The following FOXL2NB variants were observed in gnomAD, a reference collection of about 807,000 sequenced individuals.
FOXL2NB encodes FOXL2 neighbor.
In FOXL2NB, 10 loss-of-function variants were observed where a neutral mutation model predicts 7.4. The observed-to-expected ratio is 1.34, with a 90% CI of 0.83 to 2.28. The LOEUF is 2.28. Among genes scored for constraint, FOXL2NB ranks in the 30% most tolerant of loss-of-function variants. The pLI, the probability that FOXL2NB is intolerant of heterozygous loss-of-function variation, is 0.00. For missense variants in FOXL2NB, 228 were observed against 233.9 expected (o/e 0.97, Z 0.17); for synonymous variants, 104 against 105.3 (o/e 0.99, Z 0.08).
rs1936065389 is a variant in FOXL2NB, at chr3:138,949,284, C to T, written c.101-236C>T. ...TCACAGGCATTTCCGCTGCTCAGCC[C>T]TGCAGCAGCCAGGTGTAACAGCATT... On this transcript the variant is annotated intron_variant, in intron 1 of 2. Transcript: ENST00000383165. This position sits in a 1 kb window ranked among gnomAD's most constrained non-coding sequence, Gnocchi z 4.5. 1.3e-5 allele frequency among the ~76,000 whole-genome samples: 2 copies of T among 152,008 alleles called. No individual in the cohort carries two copies. Among genetic ancestry groups the T allele is most frequent in the African/African-American group, 4.8e-5 (2 of 41,338 alleles).
chr3:138,951,852 T>G lies in FOXL2NB; in HGVS notation c.*1280T>G, dbSNP rs1936137732. ...CTGCCCTCCACTTCTCACTCAGTGCTCCCCACCAGGATGGGCTTAATGCCT... is the reference window on the plus strand; with the variant it reads ...CTGCCCTCCACTTCTCACTCAGTGCGCCCCACCAGGATGGGCTTAATGCCT... On this transcript the variant is annotated 3_prime_UTR_variant, in exon 3 of 3. Transcript: ENST00000383165. 1 of 152,210 alleles carries G rather than the reference T, an allele frequency of 6.6e-6. No homozygotes were observed. Among genetic ancestry groups the G allele is most frequent in the Non-Finnish European group, 1.5e-5 (1 of 68,058 alleles). 9.4% of individuals were successfully genotyped at this position (152,210 alleles called of 1,614,324 possible).
At chr3:138,948,978 G>A (rs969516271) in intron 1 of FOXL2NB, among the ~76,000 whole-genome samples, 12 of 152,206 alleles carry the variant, frequency 7.9e-5, no homozygotes, top group African/African-American at 2.7e-4. Context: ...CAGCACTTCC[G>A]CAGAATCCCT....
Position 138,949,949 on chromosome 3 carries a change from T to C in FOXL2NB, c.220+310T>C. ...CCGGTTCCTTTTCTCCCCGCGGCATTGGGGCGACGCAGGGCCCCCGGCTTA... is the reference window on the plus strand; with the variant it reads ...CCGGTTCCTTTTCTCCCCGCGGCATCGGGGCGACGCAGGGCCCCCGGCTTA... On this transcript the variant is annotated intron_variant, in intron 2 of 2. Transcript: ENST00000383165. This position sits in a 1 kb window ranked among gnomAD's most constrained non-coding sequence, Gnocchi z 4.5. 2.9e-6 allele frequency: 2 copies of C among 692,420 alleles called. No homozygotes were observed. The highest frequency in any genetic ancestry group is 5.3e-6 in the Non-Finnish European group (2 of 379,986). The allele number at this position is 692,420 out of a possible 1,614,324, so 42.9% of individuals were successfully genotyped here.
At chr3:138,950,130 A>G in intron 2 of FOXL2NB, 135 bp from the exon 3 acceptor site, 1 of 948,610 alleles carries the variant, frequency 1.1e-6, no homozygotes, top group South Asian at 1.4e-5. Flanking sequence ...GCCTGCGGAT[A>G]CGGTTCCAGT....
Position 138,947,618 on chromosome 3 carries a change from G to C in FOXL2NB, c.100+154G>C. 7.1e-7 allele frequency: 1 copy of C among 1,405,026 alleles called. No homozygotes were observed. Among genetic ancestry groups the C allele is most frequent in the Non-Finnish European group, 9.2e-7 (1 of 1,081,328 alleles). The allele number at this position is 1,405,026 out of a possible 1,614,324, so 87.0% of individuals were successfully genotyped here. A position where few individuals can be genotyped will look rare whatever the true frequency, so the allele number is the denominator to read the frequency against. On this transcript the variant is annotated intron_variant, in intron 1 of 2. Transcript: ENST00000383165. The surrounding 1 kb of genome is among the most constrained non-coding windows in gnomAD (Gnocchi z 5.2). ...GCTTTGGGAAAGTCAGCCCAGAAAC[G>C]GGTGTGACTGTACGAAGAAGCCTCG...
In FOXL2NB at chr3:138,947,548, C is replaced by A. The variant is rs1936015070; in HGVS notation, c.100+84C>A. On this transcript the variant is annotated intron_variant, in intron 1 of 2. Transcript: ENST00000383165. This position sits in a 1 kb window ranked among gnomAD's most constrained non-coding sequence, Gnocchi z 5.2. Reference sequence around the variant, plus strand: ...AGCTCGGGGCTGGGGAGGGGCGAGACGGCGAGGGGGCTGGACGGGGTAGGG... The same window carrying A: ...AGCTCGGGGCTGGGGAGGGGCGAGAAGGCGAGGGGGCTGGACGGGGTAGGG... The A allele has an allele frequency of 8.5e-7, 1 of 1,175,116 alleles. No individual in the cohort carries two copies. The allele number at this position is 1,175,116 out of a possible 1,614,324, so 72.8% of individuals were successfully genotyped here.
Position 138,947,533 on chromosome 3 carries a change from T to C in FOXL2NB, c.100+69T>C. 3 of 1,249,172 alleles carry C rather than the reference T, an allele frequency of 2.4e-6. No individual in the cohort carries two copies. Among genetic ancestry groups the C allele is most frequent in the Non-Finnish European group, 3.2e-6 (3 of 941,244 alleles). 77.4% of individuals were successfully genotyped at this position (1,249,172 alleles called of 1,614,324 possible). ...TGAGGCTGAACTTCTAGCTCGGGGC[T>C]GGGGAGGGGCGAGACGGCGAGGGGG... On this transcript the variant is annotated intron_variant, in intron 1 of 2. Coordinates refer to ENST00000383165, the MANE Select transcript of FOXL2NB (RefSeq NM_001040061.3). The surrounding 1 kb of genome is among the most constrained non-coding windows in gnomAD (Gnocchi z 5.2).
rs772271367 is a variant in FOXL2NB at position 138,949,691 on chromosome 3, T to A, written c.220+52T>A. On this transcript the variant is annotated intron_variant, in intron 2 of 2. Coordinates refer to ENST00000383165, the MANE Select transcript of FOXL2NB (RefSeq NM_001040061.3). This position sits in a 1 kb window ranked among gnomAD's most constrained non-coding sequence, Gnocchi z 4.5. ...GCAGAATGATTACTTTCAGGTCCCC[T>A]CCAGGCTTCTGCGGAAAAGCCAGGG... 3.1e-6 allele frequency: 5 copies of A among 1,612,412 alleles called. No homozygotes were observed. In the African/African-American group the frequency reaches 4.0e-5, roughly 13 times the overall value.
At chr3:138,948,443 T>C (rs965386331) in intron 1 of FOXL2NB, among the ~76,000 whole-genome samples, 3 of 152,246 alleles carry the variant, frequency 2.0e-5, no homozygotes, top group Admixed American at 6.5e-5. Flanking sequence ...CAGTGCCTTT[T>C]AACTTGGCCT....
chr3:138,949,760 C>T lies in FOXL2NB; in HGVS notation c.220+121C>T. On this transcript the variant is annotated intron_variant, in intron 2 of 2. Coordinates refer to ENST00000383165, the MANE Select transcript of FOXL2NB (RefSeq NM_001040061.3). This position sits in a 1 kb window ranked among gnomAD's most constrained non-coding sequence, Gnocchi z 4.5. Reference sequence around the variant, plus strand: ...AGGAATCTAGGGAGAGAACAGAATCCTCTCCTTGCCGGCCCAGCCAGAGGT... The same window carrying T: ...AGGAATCTAGGGAGAGAACAGAATCTTCTCCTTGCCGGCCCAGCCAGAGGT... 6.9e-7 allele frequency: 1 copy of T among 1,440,988 alleles called. No individual in the cohort carries two copies. Among genetic ancestry groups the T allele is most frequent in the African/African-American group, 1.4e-5 (1 of 71,412 alleles). 89.3% of individuals were successfully genotyped at this position (1,440,988 alleles called of 1,614,324 possible).
Position 138,950,780 on chromosome 3 carries a change from C to T in FOXL2NB, c.*208C>T, listed in dbSNP as rs1033914680. Reference sequence around the variant, plus strand: ...CTCCTACTTCTCTCACACTCACCAGCTACACGTACTAATTCAGATTTTGCA... The same window carrying T: ...CTCCTACTTCTCTCACACTCACCAGTTACACGTACTAATTCAGATTTTGCA... On this transcript the variant is annotated 3_prime_UTR_variant, in exon 3 of 3. Coordinates refer to ENST00000383165, the MANE Select transcript of FOXL2NB (RefSeq NM_001040061.3). 6 of 590,934 alleles carry T rather than the reference C, an allele frequency of 1.0e-5. No homozygotes were observed. The highest frequency in any genetic ancestry group is 1.5e-5 in the Non-Finnish European group (5 of 341,760). The allele number at this position is 590,934 out of a possible 1,614,324, so 36.6% of individuals were successfully genotyped here.
chr3:138,950,090 G>A (rs1333560903), intron 2 of FOXL2NB, 175 bp from the exon 3 acceptor site: 4 of 754,014 alleles, frequency 5.3e-6, no homozygotes, highest in South Asian at 4.4e-5. Context: ...AGCCACCGGC[G>A]CCTCCTGACC....
At position 138,950,402 on chromosome 3, in the gene FOXL2NB, G is replaced by T. The variant is rs759620111; in HGVS notation, c.358G>T (p.Ala120Ser). 26 of 1,613,162 alleles carry T rather than the reference G, an allele frequency of 1.6e-5. No homozygotes were observed. The highest frequency in any genetic ancestry group is 2.2e-5 in the Non-Finnish European group (26 of 1,179,992). The change falls in exon 3 of 3, where the codon GCC becomes TCC. Residue 120 changes from alanine to serine, a missense_variant. Ala to Ser is a moderately conservative substitution (Grantham distance 99). Transcript: ENST00000383165. ...ACCACTCAGCTCGTCCCGCGCCGCC[G>T]CCGGCTGCCTGAACCAGGTTCCGCT... ...LEPLSSSRAA[A>S]GCLNQVPLSP...
Position 138,947,442 on chromosome 3 carries a change from C to T in FOXL2NB, c.78C>T (p.Leu26=). The T allele has an allele frequency of 1.3e-6, 2 of 1,546,148 alleles. No individual in the cohort carries two copies. Among genetic ancestry groups the T allele is most frequent in the Non-Finnish European group, 1.7e-6 (2 of 1,143,766 alleles). Residue 26 remains leucine, a synonymous_variant, in exon 1 of 3, where the codon CTC becomes CTT. Transcript: ENST00000383165. The surrounding 1 kb of genome is among the most constrained non-coding windows in gnomAD (Gnocchi z 5.2). ...TCGGGCCCCAGCGAGGAAAGGCGCT[C>T]CAAGCCTCCTCGCGGCTTTCAGGTG... is the stretch of plus-strand genomic sequence containing the variant. ...RKLGPQRGKA[L]QASSRLSESP...
Position 138,950,445 on chromosome 3 carries a change from G to T in FOXL2NB, c.401G>T (p.Gly134Val). 1 of 1,614,104 alleles carries T rather than the reference G, an allele frequency of 6.2e-7. No homozygotes were observed. The highest frequency in any genetic ancestry group is 8.5e-7 in the Non-Finnish European group (1 of 1,180,042). ...GTTCCGCTGTCCCCTTTCCTAGCGG[G>T]ACCCCGAAACACCCGGCGGCTTCCC... ...NQVPLSPFLA[G>V]PRNTRRLPAP... The change falls in exon 3 of 3, where the codon GGA becomes GTA. Residue 134 changes from glycine to valine, a missense_variant. Coordinates refer to ENST00000383165, the MANE Select transcript of FOXL2NB (RefSeq NM_001040061.3).
chr3:138,949,016 A>G lies in FOXL2NB; in HGVS notation c.101-504A>G, dbSNP rs1936056104. Among the ~76,000 whole-genome samples, 2 of 152,106 alleles carry G rather than the reference A, an allele frequency of 1.3e-5. No individual in the cohort carries two copies. Among genetic ancestry groups the G allele is most frequent in the Admixed American group, 6.5e-5 (1 of 15,276 alleles). ...TGCTGCTTTCTGAGCAGGAGTGCAG[A>G]TGTTTTTCTTCTTCCTTACCCCCAT... On this transcript the variant is annotated intron_variant, in intron 1 of 2. Transcript: ENST00000383165. The surrounding 1 kb of genome is among the most constrained non-coding windows in gnomAD (Gnocchi z 4.5).
Position 138,951,960 on chromosome 3 carries a change from A to C in FOXL2NB, c.*1388A>C, listed in dbSNP as rs780788904. 1 of 152,234 alleles carries C rather than the reference A, an allele frequency of 6.6e-6. No homozygotes were observed. The highest frequency in any genetic ancestry group is 1.5e-5 in the Non-Finnish European group (1 of 68,050). The allele number at this position is 152,234 out of a possible 1,614,324, so 9.4% of individuals were successfully genotyped here. On this transcript the variant is annotated 3_prime_UTR_variant, in exon 3 of 3. Transcript: ENST00000383165. Reference sequence around the variant, plus strand: ...ATAATGAAGTTATAATGAAGTTAGAATTTCCAAGAAAGGGACTGTAGCTGA... The same window carrying C: ...ATAATGAAGTTATAATGAAGTTAGACTTTCCAAGAAAGGGACTGTAGCTGA...
rs1380715078 is a variant in FOXL2NB at position 138,952,393 on chromosome 3, A to G, written c.*1821A>G. The G allele has an allele frequency of 6.6e-6, 1 of 152,232 alleles. No individual in the cohort carries two copies. Among genetic ancestry groups the G allele is most frequent in the Admixed American group, 6.5e-5 (1 of 15,276 alleles). 9.4% of individuals were successfully genotyped at this position (152,232 alleles called of 1,614,324 possible). On this transcript the variant is annotated 3_prime_UTR_variant, in exon 3 of 3. Coordinates refer to ENST00000383165, the MANE Select transcript of FOXL2NB (RefSeq NM_001040061.3). ...CAAAGTCCAGAGGAAGGGAGGGAGA[A>G]GGGCTGAGTTTTGTATTACTGTTCT...
In FOXL2NB at chr3:138,947,786, C is replaced by A; in HGVS notation, c.100+322C>A. 9.0e-7 allele frequency: 1 copy of A among 1,110,738 alleles called. No homozygotes were observed. The highest frequency in any genetic ancestry group is 1.1e-6 in the Non-Finnish European group (1 of 909,140). The allele number at this position is 1,110,738 out of a possible 1,614,324, so 68.8% of individuals were successfully genotyped here. A position where few individuals can be genotyped will look rare whatever the true frequency, so the allele number is the denominator to read the frequency against. On this transcript the variant is annotated intron_variant, in intron 1 of 2. Coordinates refer to ENST00000383165, the MANE Select transcript of FOXL2NB (RefSeq NM_001040061.3). This position sits in a 1 kb window ranked among gnomAD's most constrained non-coding sequence, Gnocchi z 5.2. ...CCAGTGGATCTAGGAACCAGGAATC[C>A]GTGTACTAATCCTACGGGGTTGGAG...
Sources: allele counts gnomAD v4.1 joint callset (sites outside exome capture counted in the v4.1 genomes callset), GRCh38; gene constraint gnomAD v4.1.1; non-coding constraint Gnocchi (gnomAD v3.1); transcripts MANE v1.5; gene names NCBI Gene and HGNC (gene_info 2026-07-23, HGNC 2026-07-21).